CYP2F1: variants seen among roughly 807,000 people sequenced by gnomAD.
CYP2F1 encodes cytochrome P450 2F1.
A neutral mutation model predicts 40.4 loss-of-function variants in CYP2F1; 33 were observed. The observed-to-expected ratio is 0.82, with a 90% CI of 0.62 to 1.09. CYP2F1 has a LOEUF of 1.09. CYP2F1 is among the 50% of genes least tolerant of loss of function. The pLI is 0.00. For missense variants in CYP2F1, 566 were observed against 655.7 expected (o/e 0.86, Z 1.49); for synonymous variants, 235 against 277.2 (o/e 0.85, Z 1.51).
At chr19:41,117,178 C>T (rs1254706499) in intron 3 of CYP2F1, among the ~76,000 whole-genome samples, 12 of 151,860 alleles carry the variant, frequency 7.9e-5, no homozygotes, top group Admixed American at 6.6e-4. Flanking sequence ...TCACCCAGGC[C>T]GGAGTGAAGT....
At chr19:41,124,252 C>CT (rs1213834820) in intron 7 of CYP2F1, among the ~76,000 whole-genome samples, 11 of 102,134 alleles carry the variant, frequency 1.1e-4, no homozygotes, top group African/African-American at 2.9e-4. Flanking sequence ...TCTTCCCCCC[C>CT]CCCTTTTTTT....
chr19:41,122,542 ATAC>A (rs1371407669), intron 6 of CYP2F1, among the ~76,000 whole-genome samples: 1 of 152,000 alleles, frequency 6.6e-6, no homozygotes, highest in Non-Finnish European at 1.5e-5. Flanking sequence ...ACATACATAC[ATAC>A]ATCATACATA....
intron 6 of CYP2F1, 106 bp from the exon 7 acceptor site, chr19:41,122,716 A>G (rs1306434071): frequency 8.1e-7 from 1 of 1,238,194 alleles, no homozygotes. Flanking sequence ...AGGGAAAGAA[A>G]GTTAAACCCA....
rs766220504 is a variant in CYP2F1, at chr19:41,125,651, G to A, written c.1294+17G>A. 5 of 1,613,652 alleles carry A rather than the reference G, an allele frequency of 3.1e-6. No individual in the cohort carries two copies. The highest frequency in any genetic ancestry group is 4.5e-5 in the East Asian group (2 of 44,902). On this transcript the variant is annotated intron_variant, in intron 9 of 9. Coordinates refer to ENST00000331105, the MANE Select transcript of CYP2F1 (RefSeq NM_000774.5). Reference sequence around the variant, plus strand: ...TCTCAGCTGGTGAGGGCAGGAATCAGAGTCTTTCTGGCCCAATTTCTACCT... The same window carrying A: ...TCTCAGCTGGTGAGGGCAGGAATCAAAGTCTTTCTGGCCCAATTTCTACCT...
At chr19:41,118,892 T>C (rs904744306) in intron 3 of CYP2F1, among the ~76,000 whole-genome samples, 12 of 152,206 alleles carry the variant, frequency 7.9e-5, no homozygotes, top group African/African-American at 2.9e-4. Context: ...TTCTTTAGTA[T>C]CTAGTTCTCT....
intron 7 of CYP2F1, among the ~76,000 whole-genome samples, chr19:41,124,485 A>T (rs1180292669): frequency 2.0e-5 from 3 of 151,536 alleles, no homozygotes; most frequent in African/African-American, 7.3e-5. Flanking sequence ...GATGGTCTCA[A>T]ACTCCTGGGC....
intron 4 of CYP2F1, among the ~76,000 whole-genome samples, chr19:41,120,743 G>C (rs1167738872): frequency 6.6e-6 from 1 of 151,880 alleles, no homozygotes; most frequent in Non-Finnish European, 1.5e-5. Flanking sequence ...CTGCCTCCCA[G>C]AGTGCTGGAA....
intron 8 of CYP2F1, 89 bp downstream of exon 8, chr19:41,124,995 C>A (rs981409239): frequency 1.0e-5 from 12 of 1,172,880 alleles, no homozygotes; most frequent in South Asian, 4.6e-5. Context: ...AGGCACTAGC[C>A]ATGAACACCC....
intron 3 of CYP2F1, among the ~76,000 whole-genome samples, chr19:41,119,740 TATATATATAC>T (rs1353706561): frequency 3.0e-4 from 22 of 73,422 alleles, no homozygotes; most frequent in Admixed American, 4.8e-4. Flanking sequence ...TATATATATA[TATATATATAC>T]ACACACACAC....
At position 41,124,764 on chromosome 19, in the gene CYP2F1, T is replaced by C; in HGVS notation, c.1010T>C (p.Leu337Pro). The change falls in exon 8 of 10, where the codon CTG becomes CCG. Residue 337 changes from leucine (L) to proline (P), a missense_variant. Leu to Pro is a moderately conservative substitution (Grantham distance 98). This residue lies in a region of CYP2F1 where 128 missense variants were observed against 121.0 expected (regional missense o/e 1.06). Coordinates refer to ENST00000331105, the MANE Select transcript of CYP2F1 (RefSeq NM_000774.5). Reference sequence around the variant, plus strand: ...GACCTCGTGGTGGGACGCGCGCGGCTGCCGGCGCTGAAGGACCGCGCGGCC... The same window carrying C: ...GACCTCGTGGTGGGACGCGCGCGGCCGCCGGCGCTGAAGGACCGCGCGGCC... ...EIDLVVGRAR[L>P]PALKDRAAMP... 2 of 1,607,740 alleles carry C rather than the reference T, an allele frequency of 1.2e-6. No individual in the cohort carries two copies. Among genetic ancestry groups the C allele is most frequent in the East Asian group, 4.5e-5 (2 of 44,828 alleles).
chr19:41,115,155 C>A (rs930830452), intron 1 of CYP2F1, among the ~76,000 whole-genome samples: 1 of 152,102 alleles, frequency 6.6e-6, no homozygotes, highest in Admixed American at 6.6e-5. Context: ...CTCTCTCTCT[C>A]TCTCTCCATC....
At chr19:41,120,790 G>C (rs945867599) in intron 4 of CYP2F1, among the ~76,000 whole-genome samples, 41 of 151,736 alleles carry the variant, frequency 2.7e-4, no homozygotes, top group African/African-American at 8.9e-4. Flanking sequence ...CCAGGTCTTT[G>C]AATCCAGTTC....
At chr19:41,115,586 T>C (rs2031743184) in intron 1 of CYP2F1, among the ~76,000 whole-genome samples, 1 of 152,084 alleles carries the variant, frequency 6.6e-6, no homozygotes, top group East Asian at 1.9e-4. Flanking sequence ...ATTATGAAGA[T>C]AGTAGATAGA....
At chr19:41,126,657 G>A (rs2032557099) in intron 9 of CYP2F1, among the ~76,000 whole-genome samples, 1 of 152,004 alleles carries the variant, frequency 6.6e-6, no homozygotes, top group Non-Finnish European at 1.5e-5. Context: ...GGGAGGCTGA[G>A]GTGGGATGAT....
rs2031821331 is a variant in CYP2F1, at chr19:41,116,550, G to A, written c.267G>A (p.Val89=). The A allele has an allele frequency of 6.2e-7, 1 of 1,613,924 alleles. No individual in the cohort carries two copies. Among genetic ancestry groups the A allele is most frequent in the Non-Finnish European group, 8.5e-7 (1 of 1,179,912 alleles). ...ACCAAGCTGTGAAGGAGGCCCTGGTGGACCAGGGAGAGGAGTTTAGTGGCC... is the reference window on the plus strand; with the variant it reads ...ACCAAGCTGTGAAGGAGGCCCTGGTAGACCAGGGAGAGGAGTTTAGTGGCC... ...SGYQAVKEAL[V]DQGEEFSGRG... is the part of the protein sequence containing the mutation. The change falls in exon 3 of 10, where the codon GTG becomes GTA. Residue 89 remains valine, a synonymous_variant. Coordinates refer to ENST00000331105, the MANE Select transcript of CYP2F1 (RefSeq NM_000774.5).
At position 41,120,274 on chromosome 19, in the gene CYP2F1, T is replaced by C. The variant is rs1033223620; in HGVS notation, c.335-73T>C. ...TCTGTCTCTCTCCCAGCAAATACCA[T>C]GAAAGGGGACCTGGGTGGCAGTGGC... On this transcript the variant is annotated intron_variant, in intron 3 of 9. Coordinates refer to ENST00000331105, the MANE Select transcript of CYP2F1 (RefSeq NM_000774.5). 9 of 1,437,742 alleles carry C rather than the reference T, an allele frequency of 6.3e-6. No individual in the cohort carries two copies. In the East Asian group the frequency reaches 1.9e-4, roughly 30 times the overall value. The allele number at this position is 1,437,742 out of a possible 1,614,324, so 89.1% of individuals were successfully genotyped here.
chr19:41,122,503 T>C (rs531322377), intron 6 of CYP2F1, among the ~76,000 whole-genome samples: 29 of 151,274 alleles, frequency 1.9e-4, no homozygotes, highest in Middle Eastern at 3.4e-3. Context: ...CACACACACA[T>C]ACATACATAC....
chr19:41,119,412 G>A (rs532511518), intron 3 of CYP2F1, among the ~76,000 whole-genome samples: 211 of 151,654 alleles, frequency 1.4e-3, no homozygotes, highest in African/African-American at 4.9e-3. Context: ...CAGGAGTTTG[G>A]TACCAGCCTG....
chr19:41,127,586 G>A (rs1433341811), intron 9 of CYP2F1, among the ~76,000 whole-genome samples: 1 of 152,024 alleles, frequency 6.6e-6, no homozygotes, highest in East Asian at 1.9e-4. Flanking sequence ...CTCTTCCCTC[G>A]GCCTCCGAAA....
Sources: gnomAD v4.1 joint callset for allele counts (sites outside exome capture counted in the v4.1 genomes callset) on GRCh38, gnomAD v4.1.1 for gene constraint, gnomAD v4.1.1 regional missense constraint, MANE v1.5 for transcripts, NCBI Gene and HGNC (gene_info 2026-07-23, HGNC 2026-07-21) for gene names.